Variants in GAK observed in about 807,000 individuals in gnomAD.
GAK encodes the protein cyclin-G-associated kinase.
GAK carries 79 observed loss-of-function variants against 143.9 expected under a neutral mutation model. The ratio of observed to expected loss-of-function variants is 0.55; its 90% CI spans 0.46 to 0.66. The LOEUF (loss-of-function observed/expected upper bound fraction) is 0.66. GAK is among the 30% of genes least tolerant of loss of function. The pLI is 0.00. For missense variants in GAK, 1,693 were observed against 1,779.7 expected, an observed-to-expected ratio of 0.95 and a Z score of 0.88; for synonymous variants, 881 against 765.5, an observed-to-expected ratio of 1.15 and a Z score of -2.49.
chr4:907,251 G>C (rs776203423), intron 4 of GAK, among the ~76,000 whole-genome samples: 1 of 152,182 alleles, frequency 6.6e-6, no homozygotes, highest in Non-Finnish European at 1.5e-5. Flanking sequence ...ACCCAGCTGA[G>C]GGGCCCTCCC....
At chr4:871,173 G>A (rs980881401) in intron 18 of GAK, among the ~76,000 whole-genome samples, 6 of 152,254 alleles carry the variant, frequency 3.9e-5, no homozygotes, top group South Asian at 2.1e-4. Context: ...TCACAGTGGG[G>A]ATGCCCGCGA....
At chr4:891,623 GC>G (rs529477151) in intron 9 of GAK, among the ~76,000 whole-genome samples, 232 of 152,226 alleles carry the variant, frequency 1.5e-3, no homozygotes, top group African/African-American at 5.3e-3. Context: ...ATCACTAGGG[GC>G]CTGATTCTGC....
rs528966443 is a variant in GAK at position 868,774 on chromosome 4, G to A, written c.2249-89C>T. On this transcript the variant is annotated intron_variant, in intron 19 of 27. Transcript: ENST00000314167. ...CCAGAGCTGGGAAGTGCAGCCAGGCGGGCGCCAGCACCGTGGCAGGCCAGG... is the reference window on the plus strand; with the variant it reads ...CCAGAGCTGGGAAGTGCAGCCAGGCAGGCGCCAGCACCGTGGCAGGCCAGG... 1.0e-5 allele frequency: 14 copies of A among 1,394,228 alleles called. No homozygotes were observed. In the African/African-American group the frequency reaches 1.3e-4, roughly 13 times the overall value. The allele number at this position is 1,394,228 out of a possible 1,614,324, so 86.4% of individuals were successfully genotyped here. A position where few individuals can be genotyped will look rare whatever the true frequency, so the allele number is the denominator to read the frequency against.
At chr4:863,817 G>A (rs1160012979) in intron 23 of GAK, among the ~76,000 whole-genome samples, 1 of 152,194 alleles carries the variant, frequency 6.6e-6, no homozygotes, top group Admixed American at 6.5e-5. Flanking sequence ...AAGGTCAGGA[G>A]TTCGAGACCA....
intron 15 of GAK, 44 bp from the exon 16 acceptor site, chr4:877,853 G>C: frequency 1.3e-6 from 2 of 1,503,630 alleles, no homozygotes; most frequent in Non-Finnish European, 1.8e-6. Context: ...TGCCCTGAGA[G>C]GGGACCACAC....
At chr4:931,032 C>G (rs1349248747) in intron 1 of GAK, among the ~76,000 whole-genome samples, 1 of 152,200 alleles carries the variant, frequency 6.6e-6, no homozygotes, top group African/African-American at 2.4e-5. Flanking sequence ...TACGCTTCCG[C>G]ACCCAAGTCA....
intron 7 of GAK, among the ~76,000 whole-genome samples, chr4:895,923 G>A (rs371752315): frequency 1.3e-5 from 2 of 152,188 alleles, no homozygotes; most frequent in African/African-American, 2.4e-5. Flanking sequence ...AGACCCAGCC[G>A]CACAGGACGC....
At chr4:907,518 T>C (rs1391151659) in intron 4 of GAK, among the ~76,000 whole-genome samples, 3 of 152,178 alleles carry the variant, frequency 2.0e-5, no homozygotes, top group Admixed American at 2.0e-4. Context: ...GGCGAGTCTG[T>C]TTCAGTGGTA....
At chr4:889,956 G>T (rs1373616247) in intron 10 of GAK, among the ~76,000 whole-genome samples, 1 of 152,172 alleles carries the variant, frequency 6.6e-6, no homozygotes. Flanking sequence ...CACACTAGCG[G>T]CAGAACTGTC....
chr4:892,926 G>A (rs552205296), intron 9 of GAK, among the ~76,000 whole-genome samples: 1 of 152,290 alleles, frequency 6.6e-6, no homozygotes, highest in Non-Finnish European at 1.5e-5. Flanking sequence ...TCGGCCCTGG[G>A]CTGCGGTGGT....
chr4:866,123 G>A (rs1483765251), intron 22 of GAK, among the ~76,000 whole-genome samples: 2 of 152,272 alleles, frequency 1.3e-5, no homozygotes, highest in African/African-American at 4.8e-5. Context: ...GACGACTGAG[G>A]CACTGCAGGG....
At chr4:929,995 G>T (rs1489007558) in intron 1 of GAK, among the ~76,000 whole-genome samples, 1 of 152,158 alleles carries the variant, frequency 6.6e-6, no homozygotes, top group Non-Finnish European at 1.5e-5. Flanking sequence ...CAAGTCTTCT[G>T]GGAGTATCCC....
At chr4:925,212 A>G (rs967276018) in intron 1 of GAK, among the ~76,000 whole-genome samples, 2 of 152,192 alleles carry the variant, frequency 1.3e-5, no homozygotes, top group East Asian at 3.8e-4. Flanking sequence ...AAAATGTCCA[A>G]ATAAAACAAA....
intron 1 of GAK, among the ~76,000 whole-genome samples, chr4:914,890 TGC>T (rs1722833544): frequency 1.0e-5 from 1 of 95,470 alleles, no homozygotes; most frequent in African/African-American, 4.2e-5. Flanking sequence ...AGCCCCAGCG[TGC>T]ACGGCCCCAC....
chr4:891,086 G>A (rs1717554275), intron 9 of GAK, among the ~76,000 whole-genome samples: 1 of 151,900 alleles, frequency 6.6e-6, no homozygotes, highest in Non-Finnish European at 1.5e-5. Flanking sequence ...GCCTCCCAGA[G>A]TAGCTGGGAC....
At chr4:925,241 A>G (rs1173450681) in intron 1 of GAK, among the ~76,000 whole-genome samples, 1 of 152,156 alleles carries the variant, frequency 6.6e-6, no homozygotes, top group African/African-American at 2.4e-5. Context: ...GGACACTCTG[A>G]GGACTTGGGA....
At chr4:880,931 G>C (rs1714974921) in intron 15 of GAK, among the ~76,000 whole-genome samples, 1 of 152,194 alleles carries the variant, frequency 6.6e-6, no homozygotes, top group Admixed American at 6.5e-5. Flanking sequence ...CTGGCCTGGG[G>C]GTGCCAATGG....
At chr4:926,604 C>T (rs1211229877) in intron 1 of GAK, among the ~76,000 whole-genome samples, 3 of 152,178 alleles carry the variant, frequency 2.0e-5, no homozygotes, top group South Asian at 4.1e-4. Context: ...ACGAAGAGCC[C>T]CTAAGGGTTG....
Position 851,810 on chromosome 4 carries a change from CA to C in GAK, c.3447del (p.Tyr1149Ter). On this transcript the variant is annotated frameshift_variant, in exon 25 of 28. Transcript: ENST00000314167. LOFTEE classifies it high-confidence loss of function. ...GCCCCGATCACACTGAAGTTCGAGG[CA>C]TAGTTAGGCCTTGGCTGTGTGCAGG... The part of the protein sequence containing the change: ...PKACTQPRPN[Y>X]ASNFSVIGAR... 6.2e-7 allele frequency: 1 copy of C among 1,612,164 alleles called. No homozygotes were observed. The highest frequency in any genetic ancestry group is 1.3e-5 in the African/African-American group (1 of 75,058).
Sources: gnomAD v4.1 joint callset for allele counts (sites outside exome capture counted in the v4.1 genomes callset) on GRCh38, gnomAD v4.1.1 for gene constraint, MANE v1.5 for transcripts, NCBI Gene and HGNC (gene_info 2026-07-23, HGNC 2026-07-21) for gene names.